The following TTC23 variants were observed in gnomAD, a reference collection of about 807,000 sequenced individuals.
TTC23 encodes tetratricopeptide repeat domain 23.
A neutral mutation model predicts 55.1 loss-of-function variants in TTC23; 58 were observed. The ratio of observed to expected loss-of-function variants is 1.05; its 90% CI spans 0.85 to 1.31. The LOEUF is 1.31. TTC23 is among the 50% of genes most tolerant of loss of function. The pLI is 0.00. For synonymous variants in TTC23, 203 were observed against 199.9 expected, an observed-to-expected ratio of 1.02 and a Z score of -0.13; for missense variants, 516 against 534.4, an observed-to-expected ratio of 0.97 and a Z score of 0.34.
At chr15:99,172,822 T>A (rs2073110830) in intron 10 of TTC23, among the ~76,000 whole-genome samples, 1 of 152,220 alleles carries the variant, frequency 6.6e-6, no homozygotes, top group Non-Finnish European at 1.5e-5. Context: ...CAAGTAGGTA[T>A]TATTATCATT....
intron 12 of TTC23, chr15:99,140,720 A>C (rs1555489911): frequency 6.6e-6 from 1 of 151,704 alleles, no homozygotes; most frequent in Non-Finnish European, 1.5e-5. Flanking sequence ...AGATCTAGAC[A>C]AAGCAAAAGT....
rs143527356 is a variant in TTC23, at chr15:99,136,875, C to A, written c.*1135G>T. On this transcript the variant is annotated 3_prime_UTR_variant, in exon 14 of 14. Transcript: ENST00000394132. ...CACGCTCCTGAGGAAGACAATGGTC[C>A]CTGCTTCTCTCCACCCTGTCGTGGC... 0.025 allele frequency: 3,798 copies of A among 152,402 alleles called. 116 individuals are homozygous for A. Among genetic ancestry groups the A allele is most frequent in the South Asian group, 0.07 (339 of 4,814 alleles). 9.4% of individuals were successfully genotyped at this position (152,402 alleles called of 1,614,324 possible).
rs113553902 is a variant in TTC23, at chr15:99,172,163, G to A, written c.865+2887C>T. Among the ~76,000 whole-genome samples the A allele has an allele frequency of 5.0e-4, 76 of 151,932 alleles. 1 individual carries two copies. The highest frequency in any genetic ancestry group is 7.4e-4 in the Non-Finnish European group (50 of 67,958). The stretch of plus-strand genomic sequence containing the variant: ...CTCCCAAGTAGCTGGGACTACAGGC[G>A]CGCACCACCACACCTGGCTAATTTT... On this transcript the variant is annotated intron_variant, in intron 10 of 13. Transcript: ENST00000394132.
At position 99,147,418 on chromosome 15, in the gene TTC23, A is replaced by G. The variant is rs1010137442; in HGVS notation, c.1144-8019T>C. ...TTTTTTGTATTTTTAGTAGAGATGGAGTTTCACTTTGTTAGCCAGGATGGT... is the reference window on the plus strand; with the variant it reads ...TTTTTTGTATTTTTAGTAGAGATGGGGTTTCACTTTGTTAGCCAGGATGGT... On this transcript the variant is annotated intron_variant, in intron 12 of 13. Transcript: ENST00000394132. 2.7e-4 allele frequency among the ~76,000 whole-genome samples: 40 copies of G among 150,796 alleles called. 1 individual carries two copies. The highest frequency in any genetic ancestry group is 2.2e-4 in the Non-Finnish European group (15 of 67,814).
chr15:99,182,165 C>G lies in TTC23; in HGVS notation c.760-7010G>C, dbSNP rs898447016. On this transcript the variant is annotated intron_variant, in intron 9 of 13. Transcript: ENST00000394132. ...CCTTCCCCCTTCTACCTGCCTTAAC[C>G]TCTTTTTCTCCCCATTCCCAGGCTT... Among the ~76,000 whole-genome samples the G allele has an allele frequency of 2.6e-5, 4 of 151,912 alleles. No homozygotes were observed. In the East Asian group the frequency reaches 7.7e-4, roughly 29 times the overall value.
At chr15:99,171,187 C>T (rs2151920723) in intron 10 of TTC23, among the ~76,000 whole-genome samples, 1 of 152,324 alleles carries the variant, frequency 6.6e-6, no homozygotes, top group Middle Eastern at 3.4e-3. Flanking sequence ...TTTAAGGCCT[C>T]AGTAAGCTTT....
At chr15:99,182,232 T>TCC (rs1316938561) in intron 9 of TTC23, among the ~76,000 whole-genome samples, 2 of 97,540 alleles carry the variant, frequency 2.1e-5, no homozygotes, top group Non-Finnish European at 4.1e-5. Context: ...AATCTCTCTC[T>TCC]CTCTCTCTCT....
intron 12 of TTC23, among the ~76,000 whole-genome samples, chr15:99,142,259 A>G (rs2068319698): frequency 6.6e-6 from 1 of 152,184 alleles, no homozygotes; most frequent in African/African-American, 2.4e-5. Context: ...TGGTGCTCAG[A>G]AAGGGCCACA....
At chr15:99,161,656 T>C in intron 11 of TTC23, 84 bp downstream of exon 11, 1 of 1,496,230 alleles carries the variant, frequency 6.7e-7, no homozygotes, top group Non-Finnish European at 9.0e-7. Flanking sequence ...CAGTAGATGC[T>C]TAATGGATGC....
intron 1 of TTC23, among the ~76,000 whole-genome samples, 195 bp from the exon 2 acceptor site, chr15:99,245,705 T>G (rs2080184794): frequency 6.6e-6 from 1 of 151,960 alleles, no homozygotes; most frequent in Non-Finnish European, 1.5e-5. Context: ...AGAATAAAGT[T>G]GGATCTCTAC....
chr15:99,191,890 G>A (rs901272230), intron 9 of TTC23, among the ~76,000 whole-genome samples: 8 of 152,202 alleles, frequency 5.3e-5, no homozygotes, highest in African/African-American at 9.7e-5. Context: ...GAATGGCTTT[G>A]ACCAAAAGCC....
At chr15:99,225,729 A>G (rs1412205111) in intron 5 of TTC23, among the ~76,000 whole-genome samples, 4 of 152,264 alleles carry the variant, frequency 2.6e-5, no homozygotes, top group Admixed American at 2.6e-4. Context: ...GACAAACATC[A>G]TAGTAATAAC....
intron 3 of TTC23, among the ~76,000 whole-genome samples, chr15:99,240,729 A>G (rs2079710511): frequency 6.6e-6 from 1 of 152,212 alleles, no homozygotes; most frequent in African/African-American, 2.4e-5. Flanking sequence ...AGGCCAACAG[A>G]GAAGGATATA....
At chr15:99,163,231 G>A (rs1466927032) in intron 10 of TTC23, among the ~76,000 whole-genome samples, 1 of 152,180 alleles carries the variant, frequency 6.6e-6, no homozygotes, top group East Asian at 1.9e-4. Context: ...TCATATTTAT[G>A]GAAAGCATGA....
upstream of TTC23, among the ~76,000 whole-genome samples, chr15:99,250,343 C>A (rs999525897): frequency 8.5e-5 from 13 of 152,048 alleles, no homozygotes; most frequent in Non-Finnish European, 4.4e-5. Context: ...TGTTTTAAAA[C>A]CAATGTTTTT....
intron 9 of TTC23, among the ~76,000 whole-genome samples, chr15:99,176,192 G>A (rs1256256009): frequency 6.6e-6 from 1 of 152,172 alleles, no homozygotes; most frequent in Non-Finnish European, 1.5e-5. Context: ...TACTATAGGA[G>A]AGGCATGGGC....
intron 12 of TTC23, among the ~76,000 whole-genome samples, chr15:99,143,705 T>C (rs1334726622): frequency 6.6e-6 from 1 of 152,216 alleles, no homozygotes; most frequent in African/African-American, 2.4e-5. Flanking sequence ...TACTATTCCT[T>C]AAATACCAAA....
At chr15:99,246,397 C>T (rs1289677864) in intron 1 of TTC23, among the ~76,000 whole-genome samples, 2 of 152,204 alleles carry the variant, frequency 1.3e-5, no homozygotes, top group East Asian at 1.9e-4. Flanking sequence ...GGGCAAATCA[C>T]GAGGTCAAGA....
In TTC23 at chr15:99,161,856, G is replaced by A. The variant is rs773390107; in HGVS notation, c.877C>T (p.Gln293Ter). Residue 293 changes from glutamine to a stop codon, truncating the protein, a stop_gained, in exon 11 of 14, where the codon CAG (glutamine) becomes TAG (stop). Transcript: ENST00000394132. LOFTEE classifies it high-confidence loss of function. ...TGAGCCATGCTCTCTTGAAAATACT[G>A]CTCAGCTACATCTGAAGAAAAGCAT... ...GRHEHHDVAE[Q>*]YFQESMAHLK... The A allele has an allele frequency of 3.1e-6, 5 of 1,602,282 alleles. No homozygotes were observed. The highest frequency in any genetic ancestry group is 2.7e-5 in the African/African-American group (2 of 74,216).
Sources: allele counts gnomAD v4.1 joint callset (sites outside exome capture counted in the v4.1 genomes callset), GRCh38; gene constraint gnomAD v4.1.1; transcripts MANE v1.5; gene names NCBI Gene and HGNC (gene_info 2026-07-23, HGNC 2026-07-21).